Variants in PSMB7 observed in about 807,000 individuals in gnomAD.
PSMB7 encodes the protein proteasome 20S subunit beta 7, also known as proteasome subunit beta type-7.
Under a neutral mutation model 28.1 loss-of-function variants are expected in PSMB7, and 5 were observed. The observed-to-expected ratio is 0.18, with a 90% CI of 0.09 to 0.37. PSMB7 has a LOEUF of 0.37. Among genes scored for constraint, PSMB7 ranks in the 10% least tolerant of loss-of-function variants. The pLI, the probability that PSMB7 is intolerant of heterozygous loss-of-function variation, is 1.00. For synonymous variants in PSMB7, 122 were observed against 123.7 expected, an observed-to-expected ratio of 0.99 and a Z score of 0.09; for missense variants, 275 against 346.2, an observed-to-expected ratio of 0.79 and a Z score of 1.63.
intron 5 of PSMB7, among the ~76,000 whole-genome samples, chr9:124,393,656 C>T (rs890507844): frequency 3.9e-5 from 6 of 152,198 alleles, no homozygotes; most frequent in African/African-American, 1.4e-4. Context: ...TAATTTAAAA[C>T]ACCACTTGAA....
chr9:124,368,318 G>A (rs760394116), intron 6 of PSMB7, among the ~76,000 whole-genome samples: 5 of 152,090 alleles, frequency 3.3e-5, no homozygotes, highest in East Asian at 1.9e-4. Context: ...AATCACTTGC[G>A]GGTTTCTCTT....
intron 5 of PSMB7, among the ~76,000 whole-genome samples, chr9:124,399,708 TGAC>T (rs1201740597): frequency 1.3e-5 from 2 of 152,120 alleles, no homozygotes; most frequent in Non-Finnish European, 2.9e-5. Flanking sequence ...CAGGAGAGAA[TGAC>T]GACAGAAACC....
intron 5 of PSMB7, among the ~76,000 whole-genome samples, chr9:124,397,542 C>A (rs1423378941): frequency 6.6e-6 from 1 of 152,318 alleles, no homozygotes. Context: ...GTAGCCAATA[C>A]AGGCCCATGG....
chr9:124,405,211 A>G (rs1228633852), intron 5 of PSMB7, 106 bp downstream of exon 5: 3 of 726,350 alleles, frequency 4.1e-6, no homozygotes, highest in Non-Finnish European at 6.9e-6. Context: ...AATGAATCAA[A>G]GCATTGTATT....
chr9:124,360,131 T>C (rs1830452310), intron 6 of PSMB7, among the ~76,000 whole-genome samples: 1 of 152,252 alleles, frequency 6.6e-6, no homozygotes, highest in Non-Finnish European at 1.5e-5. Flanking sequence ...ACTGGGCATA[T>C]TCATACTGTG....
chr9:124,354,594 C>G lies in PSMB7; in HGVS notation c.723-885G>C, dbSNP rs578245676. 3.3e-5 allele frequency among the ~76,000 whole-genome samples: 5 copies of G among 152,224 alleles called. 1 individual carries two copies. The South Asian group carries it at 1.0e-3, about 32-fold the overall frequency. ...GGAAGCAGAACAAGGAGGGCAACTT[C>G]CACAGTTCTGCATCCAGGTCAGGAG... On this transcript the variant is annotated intron_variant, in intron 7 of 7. Coordinates refer to ENST00000259457, the MANE Select transcript of PSMB7 (RefSeq NM_002799.4).
chr9:124,409,308 T>C (rs1339634693), intron 4 of PSMB7, among the ~76,000 whole-genome samples: 5 of 152,222 alleles, frequency 3.3e-5, no homozygotes, highest in African/African-American at 1.2e-4. Flanking sequence ...CTACAATAAA[T>C]GTACATTATG....
intron 6 of PSMB7, among the ~76,000 whole-genome samples, chr9:124,362,892 C>T (rs1311951613): frequency 2.0e-5 from 3 of 152,184 alleles, no homozygotes; most frequent in Admixed American, 2.0e-4. Context: ...CCAAATGCAG[C>T]TTGGAAAATC....
intron 6 of PSMB7, among the ~76,000 whole-genome samples, chr9:124,377,067 C>A (rs1385877680): frequency 6.6e-6 from 1 of 152,190 alleles, no homozygotes; most frequent in Non-Finnish European, 1.5e-5. Context: ...AATCACATTA[C>A]TCGTTGCTAT....
At chr9:124,354,346 T>C (rs563828811) in intron 7 of PSMB7, among the ~76,000 whole-genome samples, 1 of 152,276 alleles carries the variant, frequency 6.6e-6, no homozygotes, top group Admixed American at 6.5e-5. Flanking sequence ...GTCTAGAAGA[T>C]ATGTATTTGG....
At chr9:124,397,405 C>T (rs1239748272) in intron 5 of PSMB7, among the ~76,000 whole-genome samples, 1 of 152,222 alleles carries the variant, frequency 6.6e-6, no homozygotes, top group Admixed American at 6.5e-5. Flanking sequence ...GGCCAGTCCT[C>T]AGAGAGTCCT....
At chr9:124,377,991 C>CAG (rs1830630402) in intron 6 of PSMB7, among the ~76,000 whole-genome samples, 1 of 152,258 alleles carries the variant, frequency 6.6e-6, no homozygotes, top group Non-Finnish European at 1.5e-5. Context: ...CTTCAAAAGG[C>CAG]AGAGAGCCAG....
At chr9:124,403,694 C>T (rs1830935006) in intron 5 of PSMB7, among the ~76,000 whole-genome samples, 1 of 152,042 alleles carries the variant, frequency 6.6e-6, no homozygotes, top group Non-Finnish European at 1.5e-5. Context: ...GTAGGTATTA[C>T]CAATACCACT....
intron 6 of PSMB7, among the ~76,000 whole-genome samples, chr9:124,378,114 C>T (rs1830631630): frequency 6.6e-6 from 1 of 152,232 alleles, no homozygotes; most frequent in Non-Finnish European, 1.5e-5. Context: ...CACTGCAGAT[C>T]TGATCCTCTC....
chr9:124,376,677 A>T (rs142248995), intron 6 of PSMB7, among the ~76,000 whole-genome samples: 221 of 152,374 alleles, frequency 1.5e-3, no homozygotes, highest in African/African-American at 5.1e-3. Context: ...TACAGGAATA[A>T]GAAAGTGTTA....
intron 6 of PSMB7, among the ~76,000 whole-genome samples, chr9:124,375,530 C>A (rs1436935805): frequency 6.6e-6 from 1 of 152,034 alleles, no homozygotes; most frequent in Non-Finnish European, 1.5e-5. Context: ...TTTTTCCCCC[C>A]AGACAAACGA....
At chr9:124,359,228 A>G (rs1588566493) in intron 6 of PSMB7, among the ~76,000 whole-genome samples, 1 of 152,340 alleles carries the variant, frequency 6.6e-6, no homozygotes, top group Non-Finnish European at 1.5e-5. Context: ...ATTCTAGGGA[A>G]GATCATTCCT....
intron 6 of PSMB7, among the ~76,000 whole-genome samples, chr9:124,373,773 G>C (rs1830584479): frequency 6.6e-6 from 1 of 152,170 alleles, no homozygotes; most frequent in Non-Finnish European, 1.5e-5. Context: ...ATGGAAAGGA[G>C]GACATATAGA....
chr9:124,366,489 C>A (rs538675530), intron 6 of PSMB7, among the ~76,000 whole-genome samples: 32 of 152,118 alleles, frequency 2.1e-4, no homozygotes, highest in Non-Finnish European at 3.7e-4. Flanking sequence ...TTAAGTTAAG[C>A]GTTATAAGGG....
Sources: gnomAD v4.1 joint callset for allele counts (sites outside exome capture counted in the v4.1 genomes callset) on GRCh38, gnomAD v4.1.1 for gene constraint, MANE v1.5 for transcripts, NCBI Gene and HGNC (gene_info 2026-07-23, HGNC 2026-07-21) for gene names.